Variants in PCBP3 observed in about 807,000 individuals in gnomAD.
PCBP3 encodes the protein poly(rC)-binding protein 3.
In PCBP3, 25 loss-of-function variants were observed where a neutral mutation model predicts 52.7. The observed-to-expected ratio is 0.47, with a 90% CI of 0.35 to 0.66. The LOEUF (loss-of-function observed/expected upper bound fraction) is 0.66, where lower values mean the gene tolerates loss of function less well. PCBP3 is among the 30% of genes least tolerant of loss of function. PCBP3 has a pLI of 0.01. For synonymous variants in PCBP3, 162 were observed against 183.0 expected, an observed-to-expected ratio of 0.89 and a Z score of 0.93; for missense variants, 391 against 490.3, an observed-to-expected ratio of 0.80 and a Z score of 1.91.
At chr21:45,799,625 A>G (rs2092208304) in intron 4 of PCBP3, among the ~76,000 whole-genome samples, 1 of 152,062 alleles carries the variant, frequency 6.6e-6, no homozygotes, top group Non-Finnish European at 1.5e-5. Context: ...GATCTTCTGC[A>G]AGACTTTGGC....
intron 1 of PCBP3, among the ~76,000 whole-genome samples, chr21:45,644,414 G>C (rs1447179749): frequency 6.6e-6 from 1 of 151,988 alleles, no homozygotes; most frequent in Non-Finnish European, 1.5e-5. Context: ...CTTGTTGCTC[G>C]CTGTGTTTTA....
intron 5 of PCBP3, among the ~76,000 whole-genome samples, chr21:45,868,330 T>C (rs1603458825): frequency 1.3e-5 from 2 of 151,852 alleles, no homozygotes; most frequent in Non-Finnish European, 2.9e-5. Context: ...CCCGGCTGCC[T>C]GGAGGCGGCC....
chr21:45,698,196 A>C (rs1223065560), intron 2 of PCBP3, among the ~76,000 whole-genome samples: 1 of 152,202 alleles, frequency 6.6e-6, no homozygotes, highest in Non-Finnish European at 1.5e-5. Flanking sequence ...CTCCAAGATT[A>C]GGCTGAGGTA....
chr21:45,885,165 T>C (rs2095488363), intron 5 of PCBP3, among the ~76,000 whole-genome samples: 1 of 152,210 alleles, frequency 6.6e-6, no homozygotes, highest in Non-Finnish European at 1.5e-5. Context: ...TCACTGGATA[T>C]ATCATTCCAG....
rs1489398265 is a variant in PCBP3, at chr21:45,810,937, G to C, written c.-125-39024G>C. ...CTTCATCTAAACTGATACATATGTT[G>C]GTGTGAAGTTGGTCATCATAATAAT... On this transcript the variant is annotated intron_variant, in intron 4 of 17. Transcript: ENST00000681687. Among the ~76,000 whole-genome samples, 5 of 152,210 alleles carry C rather than the reference G, an allele frequency of 3.3e-5. No homozygotes were observed. The East Asian group carries it at 9.6e-4, about 29-fold the overall frequency.
In PCBP3 at chr21:45,789,855, C is replaced by T. The variant is rs527932092; in HGVS notation, c.-126+34403C>T. ...CTGGTGTCTGGGTAGAGAATAGTCT[C>T]TCGGCCGGGCGCAGTGGCTCACGCC... On this transcript the variant is annotated intron_variant, in intron 4 of 17. Coordinates refer to ENST00000681687, the MANE Select transcript of PCBP3 (RefSeq NM_001384156.1). Among the ~76,000 whole-genome samples, 96 of 152,230 alleles carry T rather than the reference C, an allele frequency of 6.3e-4. 1 individual carries two copies. Among genetic ancestry groups the T allele is most frequent in the African/African-American group, 2.2e-3 (91 of 41,552 alleles).
intron 4 of PCBP3, among the ~76,000 whole-genome samples, chr21:45,790,108 C>A (rs1048670330): frequency 2.0e-5 from 3 of 152,126 alleles, no homozygotes; most frequent in African/African-American, 7.2e-5. Context: ...CCACTGCACT[C>A]CAGCTTGGGC....
intron 5 of PCBP3, among the ~76,000 whole-genome samples, chr21:45,852,425 C>T (rs1466053950): frequency 5.1e-5 from 5 of 98,774 alleles, no homozygotes; most frequent in African/African-American, 7.0e-5. Flanking sequence ...CACAGCCCTG[C>T]AGCCACCCTG....
chr21:45,918,086 T>G, intron 13 of PCBP3: 1 of 265,518 alleles, frequency 3.8e-6, no homozygotes, highest in Non-Finnish European at 7.4e-6. Flanking sequence ...AGAGTCCACA[T>G]GAAAACATAG....
intron 17 of PCBP3, 44 bp downstream of exon 17, chr21:45,940,243 C>T (rs763307310): frequency 4.5e-6 from 7 of 1,553,030 alleles, no homozygotes; most frequent in African/African-American, 1.4e-5. Context: ...CGGAAAGGGA[C>T]GCGCCAGCCG....
chr21:45,845,447 G>A (rs1308325078), intron 4 of PCBP3, among the ~76,000 whole-genome samples: 1 of 148,422 alleles, frequency 6.7e-6, no homozygotes, highest in East Asian at 2.0e-4. Flanking sequence ...GTGTCCACAC[G>A]TGTGAGTGTG....
chr21:45,929,906 T>C lies in PCBP3; in HGVS notation c.718-11T>C, dbSNP rs2075958556. On this transcript the variant is annotated splice_polypyrimidine_tract_variant and intron_variant, in intron 13 of 17. Coordinates refer to ENST00000681687, the MANE Select transcript of PCBP3 (RefSeq NM_001384156.1). The stretch of plus-strand genomic sequence containing the variant: ...ATAACCTTCTTAGCTCTCGTGTCCC[T>C]CCTACCCCAGCAGTTGACCAAGCTC... The C allele has an allele frequency of 6.2e-7, 1 of 1,610,504 alleles. No individual in the cohort carries two copies. The highest frequency in any genetic ancestry group is 8.5e-7 in the Non-Finnish European group (1 of 1,177,062).
intron 4 of PCBP3, among the ~76,000 whole-genome samples, chr21:45,813,076 T>C (rs1426519504): frequency 6.6e-6 from 1 of 151,262 alleles, no homozygotes; most frequent in Non-Finnish European, 1.5e-5. Context: ...CCATCAAATT[T>C]AGAAAATGGT....
At chr21:45,862,865 T>C (rs2094562572) in intron 5 of PCBP3, among the ~76,000 whole-genome samples, 1 of 152,154 alleles carries the variant, frequency 6.6e-6, no homozygotes, top group Non-Finnish European at 1.5e-5. Context: ...TGTAACATGG[T>C]GGGATCAAGG....
intron 9 of PCBP3, among the ~76,000 whole-genome samples, chr21:45,905,001 G>C (rs1007270751): frequency 6.6e-6 from 1 of 152,192 alleles, no homozygotes. Context: ...TTGACTTAGC[G>C]AATATCTGTT....
chr21:45,907,286 G>C (rs2149198584), intron 9 of PCBP3, among the ~76,000 whole-genome samples: 1 of 152,306 alleles, frequency 6.6e-6, no homozygotes, highest in East Asian at 1.9e-4. Context: ...TTTTCAGTGT[G>C]TTCTGCCAGT....
At chr21:45,728,385 T>A (rs2085214239) in intron 2 of PCBP3, among the ~76,000 whole-genome samples, 1 of 152,236 alleles carries the variant, frequency 6.6e-6, no homozygotes, top group South Asian at 2.1e-4. Context: ...TGAATTACAT[T>A]GATAGCTTTA....
chr21:45,884,484 C>T (rs2095472686), intron 5 of PCBP3, among the ~76,000 whole-genome samples: 1 of 152,142 alleles, frequency 6.6e-6, no homozygotes, highest in Admixed American at 6.5e-5. Flanking sequence ...TGTATATACA[C>T]ATGTATACAT....
intron 2 of PCBP3, among the ~76,000 whole-genome samples, chr21:45,669,805 G>GTGTATA (rs1228443065): frequency 1.3e-3 from 64 of 49,694 alleles, no homozygotes; most frequent in Non-Finnish European, 2.1e-3. Context: ...GTGTGTGTGT[G>GTGTATA]TATATATATA....
Sources: gnomAD v4.1 joint callset for allele counts (sites outside exome capture counted in the v4.1 genomes callset) on GRCh38, gnomAD v4.1.1 for gene constraint, MANE v1.5 for transcripts, NCBI Gene and HGNC (gene_info 2026-07-23, HGNC 2026-07-21) for gene names.